Variants in NFASC observed in about 807,000 individuals in gnomAD.
NFASC encodes the protein neurofascin.
NFASC carries 43 observed loss-of-function variants against 147.5 expected under a neutral mutation model. The observed-to-expected ratio is 0.29, with a 90% CI of 0.23 to 0.38. NFASC has a LOEUF of 0.38. Among genes scored for constraint, NFASC ranks in the 10% least tolerant of loss-of-function variants. The pLI is 1.00. For synonymous variants in NFASC, 622 were observed against 665.5 expected (o/e 0.93, Z 1.01); for missense variants, 1,320 against 1,689.0 (o/e 0.78, Z 3.83).
Position 205,016,455 on chromosome 1 carries a change from G to C in NFASC, c.3639G>C (p.Thr1213=), listed in dbSNP as rs200275591. ...NEDGSFIGQY[T]VKKDKEETEG... is the part of the protein sequence containing the mutation. ...ACGGCTCCTTCATCGGCCAGTACACGGTCAAAAAGGACAAGGAGGAAACAG... is the reference window on the plus strand; with the variant it reads ...ACGGCTCCTTCATCGGCCAGTACACCGTCAAAAAGGACAAGGAGGAAACAG... Residue 1213 remains threonine (T), a synonymous_variant, in exon 30 of 30, where the codon ACG becomes ACC. Transcript: ENST00000339876. This position sits in a 1 kb window ranked among gnomAD's most constrained non-coding sequence, Gnocchi z 5.1. The C allele has an allele frequency of 5.6e-6, 9 of 1,613,956 alleles. No individual in the cohort carries two copies. Among genetic ancestry groups the C allele is most frequent in the Non-Finnish European group, 6.8e-6 (8 of 1,180,012 alleles).
At chr1:204,855,583 C>T (rs767599166) in intron 1 of NFASC, among the ~76,000 whole-genome samples, 19 of 152,172 alleles carry the variant, frequency 1.2e-4, no homozygotes, top group Middle Eastern at 6.8e-3. Flanking sequence ...GGGCACTGAG[C>T]GAGGGCTGAA....
In NFASC at chr1:205,018,866, C is replaced by T. The variant is rs1339118385; in HGVS notation, c.*2327C>T. The T allele has an allele frequency of 3.9e-5, 6 of 152,330 alleles. No homozygotes were observed. The highest frequency in any genetic ancestry group is 3.9e-4 in the Admixed American group (6 of 15,286). The allele number at this position is 152,330 out of a possible 1,614,324, so 9.4% of individuals were successfully genotyped here. A position where few individuals can be genotyped will look rare whatever the true frequency, so the allele number is the denominator to read the frequency against. On this transcript the variant is annotated 3_prime_UTR_variant, in exon 30 of 30. Transcript: ENST00000339876. Reference sequence around the variant, plus strand: ...GACGATGAGCAAGTCTGCCACACCACCTGGTGACTGGGAAGGGCTGCTTCT... The same window carrying T: ...GACGATGAGCAAGTCTGCCACACCATCTGGTGACTGGGAAGGGCTGCTTCT...
chr1:204,998,681 G>A (rs1227483918), intron 25 of NFASC: 6 of 152,174 alleles, frequency 3.9e-5, no homozygotes, highest in Non-Finnish European at 5.9e-5. Flanking sequence ...TGCCACCAGC[G>A]GGTTGGTGAT....
chr1:204,946,374 G>A (rs375595812), intron 3 of NFASC: 23 of 502,548 alleles, frequency 4.6e-5, no homozygotes, highest in African/African-American at 1.4e-4. Flanking sequence ...CGACAGAGCC[G>A]GGATAGGACC....
rs777070008 is a variant in NFASC, at chr1:205,001,159, C to T, written c.3020-11C>T. 3 of 1,553,380 alleles carry T rather than the reference C, an allele frequency of 1.9e-6. No homozygotes were observed. In the South Asian group the frequency reaches 3.4e-5, roughly 18 times the overall value. On this transcript the variant is annotated splice_polypyrimidine_tract_variant and intron_variant, in intron 25 of 29. Transcript: ENST00000339876. ...CCTCATCACTAACCCCTTTTCTAACCCGTCCACCAGCCCCTGATGAGCAGT... is the reference window on the plus strand; with the variant it reads ...CCTCATCACTAACCCCTTTTCTAACTCGTCCACCAGCCCCTGATGAGCAGT...
intron 2 of NFASC, among the ~76,000 whole-genome samples, chr1:204,926,555 A>G (rs1042647577): frequency 6.7e-6 from 1 of 149,874 alleles, no homozygotes; most frequent in African/African-American, 2.5e-5. Flanking sequence ...CTGGGACCAC[A>G]GTTGCGCGCC....
At chr1:204,953,213 G>A (rs985353868) in intron 5 of NFASC, among the ~76,000 whole-genome samples, 2 of 152,238 alleles carry the variant, frequency 1.3e-5, no homozygotes, top group Non-Finnish European at 2.9e-5. Context: ...GGAGCAGAGG[G>A]GGCCATTCTA....
At chr1:204,985,428 C>T (rs1038885776) in intron 21 of NFASC, among the ~76,000 whole-genome samples, 6 of 152,170 alleles carry the variant, frequency 3.9e-5, no homozygotes, top group East Asian at 1.9e-4. Context: ...TTCAGACTTC[C>T]GGGGGTAACT....
At chr1:204,998,664 T>G (rs1342975533) in intron 25 of NFASC, 1 of 152,180 alleles carries the variant, frequency 6.6e-6, no homozygotes, top group Non-Finnish European at 1.5e-5. Context: ...GCTGGGGTAT[T>G]AGAAGCTGCC....
At chr1:204,957,555 C>T (rs6593919) in intron 7 of NFASC, 101 bp from the exon 8 acceptor site, 32,829 of 1,064,422 alleles carry the variant, frequency 0.031, 656 homozygotes, top group Middle Eastern at 0.058. Flanking sequence ...AGCTCCTGGT[C>T]GCCACCTGAC....
chr1:204,954,297 C>A lies in NFASC; in HGVS notation c.325C>A (p.Pro109Thr), dbSNP rs780974163. The part of the protein sequence containing the change: ...LVIDFRSGGR[P>T]EEYEGEYQCF... ...GATTGACTTCCGCAGTGGCGGGCGGCCGGAGGAATATGAGGGGGAATATCA... is the reference window on the plus strand; with the variant it reads ...GATTGACTTCCGCAGTGGCGGGCGGACGGAGGAATATGAGGGGGAATATCA... Residue 109 changes from proline to threonine, a missense_variant, in exon 6 of 30, where the codon CCG becomes ACG. Coordinates refer to ENST00000339876, the MANE Select transcript of NFASC (RefSeq NM_001005388.3). The surrounding 1 kb of genome is among the most constrained non-coding windows in gnomAD (Gnocchi z 5.7). The A allele has an allele frequency of 2.5e-6, 4 of 1,614,128 alleles. No individual in the cohort carries two copies. In the South Asian group the frequency reaches 4.4e-5, roughly 18 times the overall value.
chr1:204,896,445 GTC>G (rs1210436713), intron 1 of NFASC, among the ~76,000 whole-genome samples: 2 of 152,130 alleles, frequency 1.3e-5, no homozygotes, highest in African/African-American at 4.8e-5. Context: ...TAACTCTTTG[GTC>G]TCTGTTATTT....
At chr1:204,919,693 A>G (rs1012708912) in intron 1 of NFASC, among the ~76,000 whole-genome samples, 1 of 151,962 alleles carries the variant, frequency 6.6e-6, no homozygotes, top group Admixed American at 6.6e-5. Flanking sequence ...CAGTTGCGCA[A>G]TCTTGGCTCA....
chr1:204,860,100 G>T (rs1001071975), intron 1 of NFASC, among the ~76,000 whole-genome samples: 2 of 152,162 alleles, frequency 1.3e-5, no homozygotes, highest in African/African-American at 2.4e-5. Flanking sequence ...TTATCTTCAG[G>T]GAAGGGACAG....
chr1:204,954,955 A>G lies in NFASC; in HGVS notation c.535+4A>G, dbSNP rs1415398770. ...GTCATCTTCTGGATGAGCAGCTGTG[A>G]GTCTTGGGGGCCTGGTGTTGTGTTT... On this transcript the variant is annotated splice_donor_region_variant and intron_variant, in intron 7 of 29. Coordinates refer to ENST00000339876, the MANE Select transcript of NFASC (RefSeq NM_001005388.3). The surrounding 1 kb of genome is among the most constrained non-coding windows in gnomAD (Gnocchi z 5.7). The G allele has an allele frequency of 6.3e-7, 1 of 1,599,992 alleles. No homozygotes were observed. The highest frequency in any genetic ancestry group is 2.3e-5 in the East Asian group (1 of 44,080).
At chr1:204,939,038 ATGTG>A (rs60166382) in intron 2 of NFASC, among the ~76,000 whole-genome samples, 2,976 of 123,618 alleles carry the variant, frequency 0.024, 51 homozygotes, top group African/African-American at 0.055. Flanking sequence ...GTATGGATGG[ATGTG>A]TGTGTGTGTG....
intron 11 of NFASC, among the ~76,000 whole-genome samples, chr1:204,971,192 G>T (rs2095243080): frequency 6.6e-6 from 1 of 152,072 alleles, no homozygotes; most frequent in East Asian, 1.9e-4. Context: ...GAAGAAGCAG[G>T]GTTGTACAAT....
intron 1 of NFASC, among the ~76,000 whole-genome samples, chr1:204,838,189 A>G (rs1416673386): frequency 6.6e-6 from 1 of 152,230 alleles, no homozygotes. Flanking sequence ...TTAAGCCACC[A>G]ATTACATGAG....
At chr1:204,991,256 C>T in intron 23 of NFASC, 36 bp from the exon 24 acceptor site, 3 of 1,610,540 alleles carry the variant, frequency 1.9e-6, no homozygotes, top group Non-Finnish European at 1.7e-6. Flanking sequence ...ATCCTTTCTC[C>T]CTCTGTCTGG....
Sources: allele counts gnomAD v4.1 joint callset (sites outside exome capture counted in the v4.1 genomes callset), GRCh38; gene constraint gnomAD v4.1.1; non-coding constraint Gnocchi (gnomAD v3.1); transcripts MANE v1.5; gene names NCBI Gene and HGNC (gene_info 2026-07-23, HGNC 2026-07-21).